PHF24: variants seen among roughly 807,000 people sequenced by gnomAD.
The protein encoded by PHF24 is PHD finger protein 24.
A neutral mutation model predicts 42.6 loss-of-function variants in PHF24; 25 were observed. The ratio of observed to expected loss-of-function variants is 0.59; its 90% CI spans 0.43 to 0.82. The LOEUF (loss-of-function observed/expected upper bound fraction) is 0.82. PHF24 is among the 40% of genes least tolerant of loss of function. The probability of loss-of-function intolerance (pLI) is 0.00; values close to 1 mark genes in which losing one functional copy is unlikely to be tolerated. For synonymous variants in PHF24, 185 were observed against 204.8 expected, an observed-to-expected ratio of 0.90 and a Z score of 0.83; for missense variants, 470 against 538.1, an observed-to-expected ratio of 0.87 and a Z score of 1.25.
At chr9:34,683,369 T>G in the PHF24 span, among the ~76,000 whole-genome samples, 10 of 152,304 alleles carry the variant, frequency 6.6e-5, no homozygotes, top group South Asian at 1.7e-3. Context: ...CCAAAATATA[T>G]ACTTTCAAAA....
At chr9:34,955,676 C>CA (rs376031915), upstream of PHF24, among the ~76,000 whole-genome samples, 8 of 151,864 alleles carry the variant, frequency 5.3e-5, no homozygotes, top group African/African-American at 1.5e-4. Context: ...GACTCTGTCT[C>CA]AAAAAAAAGA....
exon 8 of PHF24, chr9:34,978,202 C>G: frequency 6.9e-6 from 7 of 1,012,366 alleles, no homozygotes; most frequent in Non-Finnish European, 1.1e-5. Flanking sequence ...CACAGAGACT[C>G]ATGGGGTTGG....
the PHF24 span, among the ~76,000 whole-genome samples, chr9:34,703,104 C>A: frequency 2.6e-5 from 4 of 152,276 alleles, no homozygotes; most frequent in Middle Eastern, 6.8e-3. Flanking sequence ...ACAGACCCCA[C>A]CCCTCTGACT....
chr9:34,928,614 T>C, the PHF24 span, among the ~76,000 whole-genome samples: 1 of 152,194 alleles, frequency 6.6e-6, no homozygotes, highest in Non-Finnish European at 1.5e-5. Flanking sequence ...TAAGCATTAA[T>C]TCAAAGTTCA....
At chr9:34,786,954 A>G in the PHF24 span, among the ~76,000 whole-genome samples, 1 of 152,174 alleles carries the variant, frequency 6.6e-6, no homozygotes, top group African/African-American at 2.4e-5. Context: ...AGAAGGCCAG[A>G]GTGCTGAAGC....
chr9:34,821,549 C>G, the PHF24 span, among the ~76,000 whole-genome samples: 346 of 152,290 alleles, frequency 2.3e-3, 2 homozygotes, highest in African/African-American at 7.2e-3. Context: ...ACTGGCTCAA[C>G]TTGCTGGTGG....
chr9:34,871,053 T>C, the PHF24 span, among the ~76,000 whole-genome samples: 1 of 152,220 alleles, frequency 6.6e-6, no homozygotes, highest in East Asian at 1.9e-4. Flanking sequence ...TTGTGCTATT[T>C]TCCTACCAGC....
At chr9:34,808,667 A>G in the PHF24 span, among the ~76,000 whole-genome samples, 3 of 152,044 alleles carry the variant, frequency 2.0e-5, no homozygotes, top group East Asian at 5.8e-4. Flanking sequence ...TGAGCACTGC[A>G]TCTTCCAGAG....
At chr9:34,689,991 G>A in the PHF24 span, 10 of 1,613,984 alleles carry the variant, frequency 6.2e-6, no homozygotes, top group African/African-American at 2.7e-5. The surrounding 1 kb of genome is among the most constrained non-coding windows in gnomAD (Gnocchi z 4.1). Context: ...GTCTGGGGGT[G>A]CACAGAGCTG....
Position 34,971,258 on chromosome 9 carries a change from T to C in PHF24, c.-4-37T>C, listed in dbSNP as rs371508982. ...CTGATTAGCCTGACATCCTCAGCCATTGGCTGAACCTGTGCCCCTCTGCTT... is the reference window on the plus strand; with the variant it reads ...CTGATTAGCCTGACATCCTCAGCCACTGGCTGAACCTGTGCCCCTCTGCTT... On this transcript the variant is annotated intron_variant, in intron 1 of 7. Transcript: ENST00000242315. 79 of 1,549,590 alleles carry C rather than the reference T, an allele frequency of 5.1e-5. No individual in the cohort carries two copies. In the African/African-American group the frequency reaches 8.4e-4, roughly 17 times the overall value.
chr9:34,771,480 A>G, the PHF24 span, among the ~76,000 whole-genome samples: 1 of 152,256 alleles, frequency 6.6e-6, no homozygotes, highest in Non-Finnish European at 1.5e-5. Flanking sequence ...TATGTGGTAT[A>G]TGACTATAAT....
chr9:34,971,370 C>A (rs1216858547), exon 2 of PHF24: 26 of 1,613,938 alleles, frequency 1.6e-5, no homozygotes, highest in Non-Finnish European at 2.0e-5. Context: ...TGTCTGCTTT[C>A]AAGGATGGGC....
At chr9:34,665,731 C>T in the PHF24 span, 10 of 698,546 alleles carry the variant, frequency 1.4e-5, no homozygotes, top group Non-Finnish European at 2.3e-5. Context: ...AGGTCCCCTT[C>T]TCCGTCATTC....
chr9:34,743,878 C>T, the PHF24 span, among the ~76,000 whole-genome samples: 3 of 152,126 alleles, frequency 2.0e-5, no homozygotes, highest in South Asian at 2.1e-4. Context: ...AAGCACATGA[C>T]GCTGGGATCT....
the PHF24 span, chr9:34,690,468 G>A: frequency 2.3e-6 from 2 of 881,380 alleles, no homozygotes; most frequent in South Asian, 3.3e-5. Flanking sequence ...GTGTGTGTGT[G>A]TCTGGTGGGG....
At chr9:34,682,243 G>A in the PHF24 span, among the ~76,000 whole-genome samples, 16 of 141,926 alleles carry the variant, frequency 1.1e-4, no homozygotes, top group African/African-American at 1.6e-4. Flanking sequence ...GCCTCCCAAA[G>A]TGCAGGGATT....
At chr9:34,811,521 A>C in the PHF24 span, among the ~76,000 whole-genome samples, 1 of 152,254 alleles carries the variant, frequency 6.6e-6, no homozygotes, top group Non-Finnish European at 1.5e-5. Context: ...ATGATGCCAC[A>C]TGAAGGCCTT....
chr9:34,774,867 T>C, the PHF24 span, among the ~76,000 whole-genome samples: 1 of 152,168 alleles, frequency 6.6e-6, no homozygotes, highest in Non-Finnish European at 1.5e-5. Context: ...CAGTGATTTG[T>C]ACTTCACACC....
exon 2 of PHF24, chr9:34,971,549 A>G: frequency 1.2e-6 from 2 of 1,614,130 alleles, no homozygotes; most frequent in Non-Finnish European, 1.7e-6. Context: ...CGGCTCCGAG[A>G]TGGGCGCGGC....
Sources: allele counts gnomAD v4.1 joint callset (sites outside exome capture counted in the v4.1 genomes callset), GRCh38; gene constraint gnomAD v4.1.1; non-coding constraint Gnocchi (gnomAD v3.1); transcripts MANE v1.5; gene names NCBI Gene and HGNC (gene_info 2026-07-23, HGNC 2026-07-21).